The following NKAIN2 variants were observed in gnomAD, a reference collection of about 807,000 sequenced individuals.
The protein encoded by NKAIN2 is sodium/potassium transporting ATPase interacting 2.
Under a neutral mutation model 32.6 loss-of-function variants are expected in NKAIN2, and 14 were observed. The ratio of observed to expected loss-of-function variants is 0.43; its 90% CI spans 0.28 to 0.67. NKAIN2 has a LOEUF of 0.67. NKAIN2 is among the 30% of genes least tolerant of loss of function. The probability of loss-of-function intolerance (pLI) is 0.17; values close to 1 mark genes in which losing one functional copy is unlikely to be tolerated. For missense variants in NKAIN2, 198 were observed against 258.3 expected, an observed-to-expected ratio of 0.77 and a Z score of 1.60; for synonymous variants, 80 against 87.2, an observed-to-expected ratio of 0.92 and a Z score of 0.46.
rs182106106 is a variant in NKAIN2, at chr6:124,001,083, A to G, written c.54+196829A>G. Among the ~76,000 whole-genome samples the G allele has an allele frequency of 5.3e-3, 807 of 152,196 alleles. 5 individuals carry two copies. The highest frequency in any genetic ancestry group is 8.5e-3 in the Non-Finnish European group (578 of 67,956). On this transcript the variant is annotated intron_variant, in intron 1 of 6. Transcript: ENST00000368417. ...CAGTGGAATTGGAATGTGAAAAACC[A>G]TCTTTTCAGAAAGTTGTAGAAAACC...
chr6:124,559,792 G>A (rs573073617), intron 3 of NKAIN2, among the ~76,000 whole-genome samples: 1 of 148,118 alleles, frequency 6.8e-6, no homozygotes, highest in African/African-American at 2.5e-5. Flanking sequence ...AGCCCCCTCA[G>A]CTAGGCAATG....
chr6:124,233,427 A>G (rs1007097532), intron 1 of NKAIN2, among the ~76,000 whole-genome samples: 3 of 152,162 alleles, frequency 2.0e-5, no homozygotes, highest in Non-Finnish European at 2.9e-5. Flanking sequence ...TCAGTTCCCT[A>G]TGGTGAGCCC....
chr6:124,238,034 C>G (rs1353562428), intron 1 of NKAIN2, among the ~76,000 whole-genome samples: 1 of 151,866 alleles, frequency 6.6e-6, no homozygotes, highest in East Asian at 1.9e-4. Flanking sequence ...AAGTCATTTT[C>G]AAAGAAGTGA....
chr6:124,232,737 G>C (rs567891071), intron 1 of NKAIN2, among the ~76,000 whole-genome samples: 1 of 131,486 alleles, frequency 7.6e-6, no homozygotes, highest in South Asian at 3.0e-4. Context: ...CTGGCAAAAT[G>C]GCATTATTTT....
Position 124,715,544 on chromosome 6 carries a change from G to C in NKAIN2, c.474+57158G>C, listed in dbSNP as rs974351525. 1.3e-5 allele frequency among the ~76,000 whole-genome samples: 2 copies of C among 152,152 alleles called. 1 individual carries two copies. Among genetic ancestry groups the C allele is most frequent in the Non-Finnish European group, 2.9e-5 (2 of 68,038 alleles). On this transcript the variant is annotated intron_variant, in intron 4 of 6. Coordinates refer to ENST00000368417, the MANE Select transcript of NKAIN2 (RefSeq NM_001040214.3). Reference sequence around the variant, plus strand: ...GAATCCATGCCCCTTCTGAAGCCAGGCTGGTTTGACACCATAGAACAGTCT... The same window carrying C: ...GAATCCATGCCCCTTCTGAAGCCAGCCTGGTTTGACACCATAGAACAGTCT...
Position 123,988,471 on chromosome 6 carries a change from C to G in NKAIN2, c.54+184217C>G, listed in dbSNP as rs546609083. ...CAGATACGGTGAGTGCAGTAGTTTCCGTCAGTTCCACAGATTTACCACGGA... is the reference window on the plus strand; with the variant it reads ...CAGATACGGTGAGTGCAGTAGTTTCGGTCAGTTCCACAGATTTACCACGGA... On this transcript the variant is annotated intron_variant, in intron 1 of 6. Coordinates refer to ENST00000368417, the MANE Select transcript of NKAIN2 (RefSeq NM_001040214.3). Among the ~76,000 whole-genome samples, 7 of 152,222 alleles carry G rather than the reference C, an allele frequency of 4.6e-5. No homozygotes were observed. In the South Asian group the frequency reaches 1.5e-3, roughly 32 times the overall value.
At chr6:124,422,118 A>G (rs1188125453) in intron 3 of NKAIN2, among the ~76,000 whole-genome samples, 1 of 152,166 alleles carries the variant, frequency 6.6e-6, no homozygotes, top group Non-Finnish European at 1.5e-5. Flanking sequence ...TAAATAGTTT[A>G]TGGTATAAAA....
chr6:124,735,195 G>A (rs1399414391), intron 4 of NKAIN2, among the ~76,000 whole-genome samples: 1 of 151,940 alleles, frequency 6.6e-6, no homozygotes, highest in Non-Finnish European at 1.5e-5. Flanking sequence ...AGTGGCACTT[G>A]CAGCTGCCCA....
At chr6:124,534,883 T>A (rs1779659434) in intron 3 of NKAIN2, among the ~76,000 whole-genome samples, 1 of 152,182 alleles carries the variant, frequency 6.6e-6, no homozygotes, top group East Asian at 1.9e-4. Flanking sequence ...CTGTGGGAGA[T>A]TGGTTCCAGG....
chr6:123,995,017 A>G (rs1312102799), intron 1 of NKAIN2, among the ~76,000 whole-genome samples: 1 of 152,166 alleles, frequency 6.6e-6, no homozygotes. Context: ...TTAAATTCTG[A>G]GTTTTAGCTC....
At chr6:124,061,655 T>C (rs1464921154) in intron 1 of NKAIN2, among the ~76,000 whole-genome samples, 3 of 152,008 alleles carry the variant, frequency 2.0e-5, no homozygotes, top group Non-Finnish European at 4.4e-5. Flanking sequence ...GATTTAAACA[T>C]TGGGGGATGC....
chr6:124,297,124 G>A (rs913664389), intron 2 of NKAIN2, among the ~76,000 whole-genome samples: 6 of 152,132 alleles, frequency 3.9e-5, no homozygotes, highest in Non-Finnish European at 5.9e-5. Flanking sequence ...TATGAAAACT[G>A]TTATACATAC....
chr6:124,592,330 CTA>C (rs1197670876), intron 3 of NKAIN2, among the ~76,000 whole-genome samples: 1 of 152,174 alleles, frequency 6.6e-6, no homozygotes, highest in Non-Finnish European at 1.5e-5. Flanking sequence ...TCACTGGTAT[CTA>C]TTACAAGCGA....
rs1781223626 is a variant in NKAIN2, at chr6:124,028,549, T to TA, written c.54+224295_54+224296insA. 3.0e-4 allele frequency among the ~76,000 whole-genome samples: 45 copies of TA among 150,598 alleles called. No individual in the cohort carries two copies. In the Middle Eastern group the frequency reaches 0.014, roughly 46 times the overall value. On this transcript the variant is annotated intron_variant, in intron 1 of 6. Coordinates refer to ENST00000368417, the MANE Select transcript of NKAIN2 (RefSeq NM_001040214.3). ...AAGTATAATAATAATAAAATAAATT[T>TA]TAAAAAAAAGGAAATGGACTATGGG...
chr6:123,954,522 T>C (rs1399655689), intron 1 of NKAIN2, among the ~76,000 whole-genome samples: 2 of 152,238 alleles, frequency 1.3e-5, no homozygotes, highest in Admixed American at 6.5e-5. Flanking sequence ...GTGTCACCTC[T>C]GCGTAGGATT....
intron 1 of NKAIN2, among the ~76,000 whole-genome samples, chr6:123,945,334 T>C (rs1428419545): frequency 1.3e-5 from 2 of 152,156 alleles, no homozygotes; most frequent in African/African-American, 4.8e-5. Context: ...AAGGATGTGG[T>C]ATATTAAGAA....
At chr6:124,411,196 T>C (rs1174284743) in intron 3 of NKAIN2, among the ~76,000 whole-genome samples, 4 of 152,218 alleles carry the variant, frequency 2.6e-5, no homozygotes, top group Non-Finnish European at 5.9e-5. Flanking sequence ...AGATTAGTAT[T>C]GGTATGTGTG....
chr6:123,902,011 G>A (rs912205715), intron 1 of NKAIN2, among the ~76,000 whole-genome samples: 14 of 152,024 alleles, frequency 9.2e-5, no homozygotes, highest in East Asian at 1.9e-4. Context: ...AAATTTTAAC[G>A]AAATAAAAAT....
At chr6:124,283,599 A>G (rs980612077) in intron 2 of NKAIN2, among the ~76,000 whole-genome samples, 18 of 152,356 alleles carry the variant, frequency 1.2e-4, no homozygotes, top group Non-Finnish European at 2.5e-4. Flanking sequence ...TGAGAAAGCC[A>G]GAATAATCTG....
Sources: allele counts gnomAD v4.1 joint callset (sites outside exome capture counted in the v4.1 genomes callset), GRCh38; gene constraint gnomAD v4.1.1; transcripts MANE v1.5; gene names NCBI Gene and HGNC (gene_info 2026-07-23, HGNC 2026-07-21).